DYRK3: variants seen among roughly 807,000 people sequenced by gnomAD.
DYRK3 encodes dual specificity tyrosine-phosphorylation-regulated kinase 3.
Under a neutral mutation model 40.8 loss-of-function variants are expected in DYRK3, and 30 were observed. The observed-to-expected ratio is 0.74, with a 90% CI of 0.55 to 1.00. The LOEUF is 1.00. Ranked by LOEUF, DYRK3 falls within the 50% of genes least tolerant of loss-of-function variation. The pLI is 0.00. For synonymous variants in DYRK3, 272 were observed against 260.7 expected, an observed-to-expected ratio of 1.04 and a Z score of -0.42; for missense variants, 699 against 731.5, an observed-to-expected ratio of 0.96 and a Z score of 0.51.
Position 206,637,722 on chromosome 1 carries a change from C to T in DYRK3, c.150C>T (p.Leu50=). The T allele has an allele frequency of 5.6e-6, 9 of 1,614,042 alleles. No homozygotes were observed. Among genetic ancestry groups the T allele is most frequent in the Non-Finnish European group, 7.6e-6 (9 of 1,179,940 alleles). Residue 50 remains leucine, a synonymous_variant, in exon 2 of 3, where the codon CTC becomes CTT. Transcript: ENST00000367109. The part of the protein sequence containing the change: ...ETKCPPCSNV[L]CNPSEPPPPR... The stretch of plus-strand genomic sequence containing the variant: ...AATGTCCCCCCTGTTCAAATGTACT[C>T]TGCAATCCTTCTGAACCACCTCCAC...
chr1:206,648,368 T>G lies in DYRK3; in HGVS notation c.1170T>G (p.Ile390Met), dbSNP rs782241130. ...IILGSRYSTPIDIWSFGCILA... is the reference protein window; with the variant it reads ...IILGSRYSTPMDIWSFGCILA... The stretch of plus-strand genomic sequence containing the variant: ...TAGGAAGCCGCTACAGCACACCAAT[T>G]GACATATGGAGTTTTGGCTGCATCC... The change falls in exon 3 of 3, where the codon ATT becomes ATG. Residue 390 changes from isoleucine (I) to methionine (M), a missense_variant. Transcript: ENST00000367109. The G allele has an allele frequency of 5.6e-6, 9 of 1,614,044 alleles. 1 individual carries two copies. The South Asian group carries it at 8.8e-5, about 16-fold the overall frequency.
rs1412095547 is a variant in DYRK3 at position 206,651,481 on chromosome 1, A to G, written c.*2516A>G. ...CAACTCCAGGAAGTAGTACAGCATG[A>G]TTGAATCCTTCTTCAGTGAATCTTT... is the stretch of plus-strand genomic sequence containing the variant. On this transcript the variant is annotated 3_prime_UTR_variant, in exon 3 of 3. Transcript: ENST00000367109. Among the ~76,000 whole-genome samples the G allele has an allele frequency of 1.3e-5, 2 of 152,208 alleles. No homozygotes were observed. Among genetic ancestry groups the G allele is most frequent in the Non-Finnish European group, 2.9e-5 (2 of 68,038 alleles).
rs199912384 is a variant in DYRK3 at position 206,648,632 on chromosome 1, A to G, written c.1434A>G (p.Pro478=). ...GTAGGGGTAAAAAGCGGGGTCCCCCAGGCAGCAAAGACTGGGGGACAGCAC... is the reference window on the plus strand; with the variant it reads ...GTAGGGGTAAAAAGCGGGGTCCCCCGGGCAGCAAAGACTGGGGGACAGCAC... ...RSRRGKKRGP[P]GSKDWGTALK... is the part of the protein sequence containing the mutation. The change falls in exon 3 of 3, where the codon CCA becomes CCG. Residue 478 remains proline (P), a synonymous_variant. Coordinates refer to ENST00000367109, the MANE Select transcript of DYRK3 (RefSeq NM_003582.4). The G allele has an allele frequency of 1.9e-5, 31 of 1,613,784 alleles. No individual in the cohort carries two copies. Among genetic ancestry groups the G allele is most frequent in the East Asian group, 2.2e-5 (1 of 44,878 alleles).
chr1:206,643,465 C>G (rs1288713029), intron 2 of DYRK3, among the ~76,000 whole-genome samples: 1 of 152,180 alleles, frequency 6.6e-6, no homozygotes, highest in Non-Finnish European at 1.5e-5. Context: ...GCCAGTCCAG[C>G]CTTACACGTA....
chr1:206,644,601 G>A lies in DYRK3; in HGVS notation c.190-2787G>A, dbSNP rs552426298. The stretch of plus-strand genomic sequence containing the variant: ...AGATTGCAGGCTGGAATGCAGTGGT[G>A]CGATCTCAGCTCACTGCAACCTCCA... On this transcript the variant is annotated intron_variant, in intron 2 of 2. Coordinates refer to ENST00000367109, the MANE Select transcript of DYRK3 (RefSeq NM_003582.4). Among the ~76,000 whole-genome samples, 9 of 152,228 alleles carry A rather than the reference G, an allele frequency of 5.9e-5. 1 individual carries two copies. The South Asian group carries it at 1.7e-3, about 28-fold the overall frequency.
At chr1:206,640,434 T>C (rs1397499996) in intron 2 of DYRK3, among the ~76,000 whole-genome samples, 1 of 152,126 alleles carries the variant, frequency 6.6e-6, no homozygotes, top group Non-Finnish European at 1.5e-5. Context: ...TAGGCTTTTA[T>C]TGGGTTAAGT....
At position 206,648,141 on chromosome 1, in the gene DYRK3, T is replaced by C; in HGVS notation, c.943T>C (p.Phe315Leu). ...TTTTAGCGTCCAGTTGGTACGCAAG[T>C]TTGCCCAGTCCATCTTGCAATCTTT... ...QGFSVQLVRK[F>L]AQSILQSLDA... The change falls in exon 3 of 3, where the codon TTT becomes CTT. Residue 315 changes from phenylalanine (F) to leucine (L), a missense_variant. Transcript: ENST00000367109. 6.2e-7 allele frequency: 1 copy of C among 1,614,106 alleles called. No individual in the cohort carries two copies. Among genetic ancestry groups the C allele is most frequent in the Non-Finnish European group, 8.5e-7 (1 of 1,180,018 alleles).
In DYRK3 at chr1:206,650,697, GA is replaced by G. The variant is rs1671609272; in HGVS notation, c.*1736del. ...TTTTTGTTGGGCAGTGTAGGAACAA[GA>G]AAAGAAAATAAAAATGCCATGAGTA... On this transcript the variant is annotated 3_prime_UTR_variant, in exon 3 of 3. Coordinates refer to ENST00000367109, the MANE Select transcript of DYRK3 (RefSeq NM_003582.4). Among the ~76,000 whole-genome samples, 2 of 152,154 alleles carry G rather than the reference GA, an allele frequency of 1.3e-5. No homozygotes were observed. Among genetic ancestry groups the G allele is most frequent in the South Asian group, 2.1e-4 (1 of 4,828 alleles).
Position 206,651,402 on chromosome 1 carries a change from T to G in DYRK3, c.*2437T>G, listed in dbSNP as rs1671628871. Among the ~76,000 whole-genome samples the G allele has an allele frequency of 6.6e-6, 1 of 152,240 alleles. No homozygotes were observed. The highest frequency in any genetic ancestry group is 2.4e-5 in the African/African-American group (1 of 41,462). On this transcript the variant is annotated 3_prime_UTR_variant, in exon 3 of 3. Coordinates refer to ENST00000367109, the MANE Select transcript of DYRK3 (RefSeq NM_003582.4). The stretch of plus-strand genomic sequence containing the variant: ...TTGAGAAATGGGAACATCTCTTCAC[T>G]GTGTTCTTGGATCAGCCTTCTTTCA...
chr1:206,642,525 A>C (rs569994689), intron 2 of DYRK3, among the ~76,000 whole-genome samples: 1 of 152,334 alleles, frequency 6.6e-6, no homozygotes, highest in East Asian at 1.9e-4. Context: ...ACTTGGAACC[A>C]ACCCACATGT....
rs1214349251 is a variant in DYRK3, at chr1:206,649,574, C to G, written c.*609C>G. Among the ~76,000 whole-genome samples the G allele has an allele frequency of 6.6e-6, 1 of 152,160 alleles. No homozygotes were observed. The highest frequency in any genetic ancestry group is 1.5e-5 in the Non-Finnish European group (1 of 68,036). Reference sequence around the variant, plus strand: ...TTATTATTTTATGTTGTTATTTTGCCTCTGATTTGTTTCCTAGTCACTCAA... The same window carrying G: ...TTATTATTTTATGTTGTTATTTTGCGTCTGATTTGTTTCCTAGTCACTCAA... On this transcript the variant is annotated 3_prime_UTR_variant, in exon 3 of 3. Transcript: ENST00000367109.
rs547466111 is a variant in DYRK3 at position 206,642,789 on chromosome 1, G to C, written c.190-4599G>C. On this transcript the variant is annotated intron_variant, in intron 2 of 2. Coordinates refer to ENST00000367109, the MANE Select transcript of DYRK3 (RefSeq NM_003582.4). ...AGGACCTGTCGTGGGGTGGGAGGAG[G>C]GGGGAGGGATAGCATTAGGAGATAT... 6.6e-5 allele frequency among the ~76,000 whole-genome samples: 10 copies of C among 152,158 alleles called. No individual in the cohort carries two copies. The South Asian group carries it at 1.5e-3, about 22-fold the overall frequency.
chr1:206,648,928 T>C lies in DYRK3; in HGVS notation c.1730T>C (p.Ile577Thr). 6.2e-7 allele frequency: 1 copy of C among 1,614,062 alleles called. No homozygotes were observed. The highest frequency in any genetic ancestry group is 8.5e-7 in the Non-Finnish European group (1 of 1,180,008). ...ANLMSETNGS[I>T]PLCSVLPKLI... is the part of the protein sequence containing the mutation. Reference sequence around the variant, plus strand: ...TTAATGTCAGAAACCAATGGTAGTATACCCCTATGCAGTGTATTGCCAAAA... The same window carrying C: ...TTAATGTCAGAAACCAATGGTAGTACACCCCTATGCAGTGTATTGCCAAAA... The change falls in exon 3 of 3, where the codon ATA becomes ACA. Residue 577 changes from isoleucine (I) to threonine (T), a missense_variant. Physicochemically the swap from Ile to Thr is moderately conservative, Grantham distance 89. Coordinates refer to ENST00000367109, the MANE Select transcript of DYRK3 (RefSeq NM_003582.4).
rs1327290955 is a variant in DYRK3 at position 206,650,522 on chromosome 1, A to G, written c.*1557A>G. Reference sequence around the variant, plus strand: ...ATGCCACTGCACTCCAGCCTAGGCAACAGAGTGAGACTCTGTCTAAAAAAC... The same window carrying G: ...ATGCCACTGCACTCCAGCCTAGGCAGCAGAGTGAGACTCTGTCTAAAAAAC... On this transcript the variant is annotated 3_prime_UTR_variant, in exon 3 of 3. Coordinates refer to ENST00000367109, the MANE Select transcript of DYRK3 (RefSeq NM_003582.4). Among the ~76,000 whole-genome samples the G allele has an allele frequency of 6.6e-6, 1 of 152,252 alleles. No homozygotes were observed. Among genetic ancestry groups the G allele is most frequent in the Non-Finnish European group, 1.5e-5 (1 of 68,042 alleles).
At position 206,635,600 on chromosome 1, in the gene DYRK3, C is replaced by G; in HGVS notation, c.-104C>G. 2 of 1,217,562 alleles carry G rather than the reference C, an allele frequency of 1.6e-6. No homozygotes were observed. Among genetic ancestry groups the G allele is most frequent in the Middle Eastern group, 3.1e-4 (1 of 3,192 alleles). The allele number at this position is 1,217,562 out of a possible 1,614,324, so 75.4% of individuals were successfully genotyped here. ...AGCTGCAGTGTCTGGTCGAGAGTAC[C>G]CGTGGGAGCGTCGCGCCGCGGAGGC... On this transcript the variant is annotated 5_prime_UTR_variant, in exon 1 of 3. Coordinates refer to ENST00000367109, the MANE Select transcript of DYRK3 (RefSeq NM_003582.4).
rs1671591026 is a variant in DYRK3, at chr1:206,650,006, C to G, written c.*1041C>G. ...GTGAACTTCAGTTAGAAGAAGAAAA[C>G]TAAAAATCCAGAAACTGGTGATAAT... On this transcript the variant is annotated 3_prime_UTR_variant, in exon 3 of 3. Transcript: ENST00000367109. Among the ~76,000 whole-genome samples, 1 of 152,188 alleles carries G rather than the reference C, an allele frequency of 6.6e-6. No individual in the cohort carries two copies. The highest frequency in any genetic ancestry group is 2.1e-4 in the South Asian group (1 of 4,838).
intron 1 of DYRK3, 197 bp downstream of exon 1, chr1:206,635,977 G>T: frequency 7.5e-7 from 1 of 1,337,754 alleles, no homozygotes; most frequent in Non-Finnish European, 9.6e-7. Flanking sequence ...CTCACCGGGC[G>T]CGGGGGACGG....
chr1:206,651,906 A>G lies in DYRK3; in HGVS notation c.*2941A>G, dbSNP rs1558561293. Among the ~76,000 whole-genome samples, 1 of 152,230 alleles carries G rather than the reference A, an allele frequency of 6.6e-6. No homozygotes were observed. Among genetic ancestry groups the G allele is most frequent in the Non-Finnish European group, 1.5e-5 (1 of 68,034 alleles). On this transcript the variant is annotated 3_prime_UTR_variant, in exon 3 of 3. Transcript: ENST00000367109. Reference sequence around the variant, plus strand: ...GCCTGTTCCCACTCAGGTGCTGTCCAAGGCACATGTTTCCTTGGGATGTTT... The same window carrying G: ...GCCTGTTCCCACTCAGGTGCTGTCCGAGGCACATGTTTCCTTGGGATGTTT...
chr1:206,635,852 G>C, intron 1 of DYRK3, 72 bp downstream of exon 1: 1 of 1,241,026 alleles, frequency 8.1e-7, no homozygotes, highest in Non-Finnish European at 1.0e-6. Context: ...GAAGCTTGGG[G>C]GTGGGGAGGA....
Sources: gnomAD v4.1 joint callset for allele counts (sites outside exome capture counted in the v4.1 genomes callset) on GRCh38, gnomAD v4.1.1 for gene constraint, MANE v1.5 for transcripts, NCBI Gene and HGNC (gene_info 2026-07-23, HGNC 2026-07-21) for gene names.